Variants in COL16A1 observed in about 807,000 individuals in gnomAD.
The protein encoded by COL16A1 is collagen type XVI alpha 1 chain.
COL16A1 carries 189 observed loss-of-function variants against 266.3 expected under a neutral mutation model. The ratio of observed to expected loss-of-function variants is 0.71; its 90% CI spans 0.63 to 0.80. COL16A1 has a LOEUF of 0.80. COL16A1 is among the 30% of genes least tolerant of loss of function. The pLI is 0.00. For synonymous variants in COL16A1, 740 were observed against 782.3 expected, an observed-to-expected ratio of 0.95 and a Z score of 0.90; for missense variants, 1,928 against 2,122.4, an observed-to-expected ratio of 0.91 and a Z score of 1.80.
At position 31,668,076 on chromosome 1, in the gene COL16A1, G is replaced by A. The variant is rs948921945; in HGVS notation, c.3303+89C>T. On this transcript the variant is annotated intron_variant, in intron 51 of 70. Transcript: ENST00000373672. This position sits in a 1 kb window ranked among gnomAD's most constrained non-coding sequence, Gnocchi z 5.8. Reference sequence around the variant, plus strand: ...AATGCCCGGTAATGGGGAGCCCGCCGAGGGTTGCCCAGCCTGGCTGTGTCC... The same window carrying A: ...AATGCCCGGTAATGGGGAGCCCGCCAAGGGTTGCCCAGCCTGGCTGTGTCC... 2.5e-5 allele frequency: 30 copies of A among 1,196,756 alleles called. No homozygotes were observed. The highest frequency in any genetic ancestry group is 2.2e-4 in the South Asian group (17 of 76,174). 74.1% of individuals were successfully genotyped at this position (1,196,756 alleles called of 1,614,324 possible). A position where few individuals can be genotyped will look rare whatever the true frequency, so the allele number is the denominator to read the frequency against.
intron 11 of COL16A1, 36 bp from the exon 12 acceptor site, chr1:31,694,206 TAG>T (rs1486271278): frequency 6.4e-7 from 1 of 1,557,480 alleles, no homozygotes; most frequent in Middle Eastern, 1.7e-4. Context: ...ACACTTCCGG[TAG>T]AGAGAGAAAA....
intron 23 of COL16A1, 157 bp from the exon 24 acceptor site, chr1:31,689,242 A>G: frequency 8.4e-7 from 1 of 1,197,500 alleles, no homozygotes; most frequent in Non-Finnish European, 1.2e-6. Flanking sequence ...GGCAGGGTTC[A>G]TCAACCCACA....
At position 31,662,856 on chromosome 1, in the gene COL16A1, G is replaced by A. The variant is rs572721361; in HGVS notation, c.3556-198C>T. On this transcript the variant is annotated intron_variant, in intron 56 of 70. Transcript: ENST00000373672. ...TCCCCAGGAGGATCTGTCTTCATCT[G>A]CAAAGCATCCCCTTTCCTTGCTGCC... 1.0e-4 allele frequency: 61 copies of A among 604,482 alleles called. No individual in the cohort carries two copies. The African/African-American group carries it at 1.1e-3, about 10-fold the overall frequency. 37.4% of individuals were successfully genotyped at this position (604,482 alleles called of 1,614,324 possible). A position where few individuals can be genotyped will look rare whatever the true frequency, so the allele number is the denominator to read the frequency against.
rs769022241 is a variant in COL16A1 at position 31,699,949 on chromosome 1, G to A, written c.149-19C>T. ...TTGAAGCCTTTGGGGGAGACATCAG[G>A]TGAAGAGCTCAGCTGAGCAGGTGGA... On this transcript the variant is annotated intron_variant, in intron 3 of 70. Coordinates refer to ENST00000373672, the MANE Select transcript of COL16A1 (RefSeq NM_001856.4). 4.4e-6 allele frequency: 7 copies of A among 1,597,172 alleles called. No individual in the cohort carries two copies. In the African/African-American group the frequency reaches 8.0e-5, roughly 18 times the overall value.
rs367716499 is a variant in COL16A1 at position 31,668,140 on chromosome 1, C to T, written c.3303+25G>A. ...AAACCTCTGGTACCTGGCACCCACT[C>T]CCCAGCAAGGGTCCCCTTACTCACA... On this transcript the variant is annotated intron_variant, in intron 51 of 70. Coordinates refer to ENST00000373672, the MANE Select transcript of COL16A1 (RefSeq NM_001856.4). The surrounding 1 kb of genome is among the most constrained non-coding windows in gnomAD (Gnocchi z 5.8). 2.1e-5 allele frequency: 34 copies of T among 1,602,496 alleles called. 1 individual carries two copies. The African/African-American group carries it at 4.3e-4, about 20-fold the overall frequency.
chr1:31,664,810 T>TC lies in COL16A1; in HGVS notation c.3555+361dup, dbSNP rs1641986880. ...CCTTCTCTCAGCTCCTCGCTCATCC[T>TC]CCCGCCCAGGAGACGAAGGTGGCCT... On this transcript the variant is annotated intron_variant, in intron 56 of 70. Transcript: ENST00000373672. The surrounding 1 kb of genome is among the most constrained non-coding windows in gnomAD (Gnocchi z 5.5). 6.6e-6 allele frequency among the ~76,000 whole-genome samples: 1 copy of TC among 152,070 alleles called. No individual in the cohort carries two copies.
At chr1:31,683,661 A>G in intron 34 of COL16A1, 46 bp downstream of exon 34, 1 of 1,610,244 alleles carries the variant, frequency 6.2e-7, no homozygotes, top group Non-Finnish European at 8.5e-7. Flanking sequence ...GTAGCTGGCT[A>G]ATGGAAGTGC....
At position 31,654,031 on chromosome 1, in the gene COL16A1, T is replaced by C. The variant is rs201424782; in HGVS notation, c.4370A>G (p.Tyr1457Cys). Reference protein sequence around the residue: ...IIKMFDERMAYYTSRMQFPME... With the variant: ...IIKMFDERMACYTSRMQFPME... ...GGGGAACTGCATCCTGGAGGTGTAG[T>C]AAGCCATTCTCTCTGTAAAAAAAGG... is the stretch of plus-strand genomic sequence containing the variant. Residue 1457 changes from tyrosine (Y) to cysteine (C), a missense_variant, in exon 69 of 71, where the codon TAC (tyrosine) becomes TGC (cysteine). By Grantham distance (194) the Tyr-to-Cys change is radical (BLOSUM62 -2). Coordinates refer to ENST00000373672, the MANE Select transcript of COL16A1 (RefSeq NM_001856.4). 9.9e-6 allele frequency: 16 copies of C among 1,613,656 alleles called. No individual in the cohort carries two copies. Among genetic ancestry groups the C allele is most frequent in the Admixed American group, 1.7e-5 (1 of 59,958 alleles).
Position 31,656,823 on chromosome 1 carries a change from T to TAAA in COL16A1, c.4056+207_4056+209dup, listed in dbSNP as rs58530152. 23 of 480,364 alleles carry TAAA rather than the reference T, an allele frequency of 4.8e-5. No individual in the cohort carries two copies. Among genetic ancestry groups the TAAA allele is most frequent in the African/African-American group, 2.2e-4 (10 of 46,086 alleles). 29.8% of individuals were successfully genotyped at this position (480,364 alleles called of 1,614,324 possible). On this transcript the variant is annotated intron_variant, in intron 65 of 70. Transcript: ENST00000373672. This position sits in a 1 kb window ranked among gnomAD's most constrained non-coding sequence, Gnocchi z 4.2. ...TTTCTTTTTGACCAGGTACAGGGTT[T>TAAA]AAAAAAAAAAAAAAAAAGGTAAAAC...
In COL16A1 at chr1:31,695,744, T is replaced by C. The variant is rs1202745827; in HGVS notation, c.945+17A>G. ...ATGCTGGCACCTCCCCTGCTGCCAG[T>C]CCACTGGGAGGCTTACCTCATCGGC... On this transcript the variant is annotated intron_variant, in intron 10 of 70. Transcript: ENST00000373672. 11 of 1,613,094 alleles carry C rather than the reference T, an allele frequency of 6.8e-6. No homozygotes were observed. Among genetic ancestry groups the C allele is most frequent in the Admixed American group, 5.0e-5 (3 of 59,970 alleles).
In COL16A1 at chr1:31,670,395, A is replaced by G; in HGVS notation, c.3195+207T>C. 1 of 493,412 alleles carries G rather than the reference A, an allele frequency of 2.0e-6. No individual in the cohort carries two copies. The highest frequency in any genetic ancestry group is 3.5e-6 in the Non-Finnish European group (1 of 289,238). The allele number at this position is 493,412 out of a possible 1,614,324, so 30.6% of individuals were successfully genotyped here. A position where few individuals can be genotyped will look rare whatever the true frequency, so the allele number is the denominator to read the frequency against. ...AGAGAAAGAACGCAGGAGAGGAGGG[A>G]GAGGAGAAAACGGAAAGGAGTCAGA... On this transcript the variant is annotated intron_variant, in intron 49 of 70. Transcript: ENST00000373672. This position sits in a 1 kb window ranked among gnomAD's most constrained non-coding sequence, Gnocchi z 4.5.
chr1:31,672,757 G>A lies in COL16A1; in HGVS notation c.2943C>T (p.Ile981=). 6.2e-7 allele frequency: 1 copy of A among 1,614,174 alleles called. No homozygotes were observed. The highest frequency in any genetic ancestry group is 1.1e-5 in the South Asian group (1 of 91,086). ...VEKGEKGDQG[I]PGVPGLDNCA... ...AGTTGTCGAGGCCTGGCACACCAGG[G>A]ATGCCCTGGTCTCCCTTCTCTCCCT... Residue 981 remains isoleucine, a synonymous_variant, in exon 45 of 71, where the codon ATC becomes ATT. Transcript: ENST00000373672.
chr1:31,690,782 G>C (rs1644227494), intron 20 of COL16A1, among the ~76,000 whole-genome samples: 1 of 152,176 alleles, frequency 6.6e-6, no homozygotes, highest in Non-Finnish European at 1.5e-5. Flanking sequence ...AGAAAATGAA[G>C]CTTCTGTGTG....
At position 31,684,141 on chromosome 1, in the gene COL16A1, C is replaced by T. The variant is rs547294000; in HGVS notation, c.2251G>A (p.Gly751Ser). ...CCAGGTCGGCCCACGCCTTCGGGGC[C>T]CTGCTCTCCTTTGGGGCCGGGCTGC... ...PGQPGPKGEQGPEGVGRPGKP... is the reference protein window; with the variant it reads ...PGQPGPKGEQSPEGVGRPGKP... Residue 751 changes from glycine (G) to serine (S), a missense_variant, in exon 32 of 71, where the codon GGC becomes AGC. Transcript: ENST00000373672. 6.9e-5 allele frequency: 107 copies of T among 1,556,912 alleles called. 1 individual carries two copies. In the South Asian group the frequency reaches 1.2e-3, roughly 17 times the overall value.
At chr1:31,686,044 T>A in intron 28 of COL16A1, 47 bp downstream of exon 28, 1 of 1,610,016 alleles carries the variant, frequency 6.2e-7, no homozygotes, top group South Asian at 1.1e-5. Flanking sequence ...AGTGTCTATC[T>A]AGGAAGCTCA....
At chr1:31,691,733 C>T in intron 17 of COL16A1, 91 bp from the exon 18 acceptor site, 1 of 1,444,196 alleles carries the variant, frequency 6.9e-7, no homozygotes. Flanking sequence ...GTCCCACCCT[C>T]CCTGCCCCTC....
chr1:31,689,561 C>G (rs756594208), intron 23 of COL16A1, 180 bp downstream of exon 23: 7 of 621,304 alleles, frequency 1.1e-5, no homozygotes, highest in African/African-American at 1.8e-5. Flanking sequence ...CACTCTAGCC[C>G]AGCCCTGAGT....
In COL16A1 at chr1:31,657,177, A is replaced by C; in HGVS notation, c.4021-109T>G. ...CAGCCCCCTGTTCCACCCAGAGGCC[A>C]CGATCCTCCAGCCCTCACCCTCTGA... On this transcript the variant is annotated intron_variant, in intron 64 of 70. Transcript: ENST00000373672. This position sits in a 1 kb window ranked among gnomAD's most constrained non-coding sequence, Gnocchi z 6.4. 1.4e-6 allele frequency: 2 copies of C among 1,381,136 alleles called. No individual in the cohort carries two copies. Among genetic ancestry groups the C allele is most frequent in the Non-Finnish European group, 2.1e-6 (2 of 973,410 alleles). The allele number at this position is 1,381,136 out of a possible 1,614,324, so 85.6% of individuals were successfully genotyped here.
intron 66 of COL16A1, chr1:31,655,895 A>C: frequency 3.6e-6 from 1 of 281,202 alleles, no homozygotes; most frequent in Non-Finnish European, 6.8e-6. Flanking sequence ...CCTTCCCCTC[A>C]TCTCTCTCTA....
Sources: gnomAD v4.1 joint callset for allele counts (sites outside exome capture counted in the v4.1 genomes callset) on GRCh38, gnomAD v4.1.1 for gene constraint, Gnocchi (gnomAD v3.1) non-coding constraint, MANE v1.5 for transcripts, NCBI Gene and HGNC (gene_info 2026-07-23, HGNC 2026-07-21) for gene names.